The following SEC63 variants were observed in gnomAD, a reference collection of about 807,000 sequenced individuals.
The protein encoded by SEC63 is SEC63 protein translocation regulator.
Under a neutral mutation model 116.2 loss-of-function variants are expected in SEC63, and 56 were observed. The ratio of observed to expected loss-of-function variants is 0.48; its 90% CI spans 0.39 to 0.60. The LOEUF (loss-of-function observed/expected upper bound fraction) is 0.60. Among genes scored for constraint, SEC63 ranks in the 20% least tolerant of loss-of-function variants. The pLI, the probability that SEC63 is intolerant of heterozygous loss-of-function variation, is 0.00. For synonymous variants in SEC63, 273 were observed against 294.6 expected (o/e 0.93, Z 0.75); for missense variants, 668 against 900.0 (o/e 0.74, Z 3.30).
rs368009395 is a variant in SEC63 at position 107,921,758 on chromosome 6, T to C, written c.452+39A>G. ...TGAACCACTGCACCTGGCTTATCTGTACCATTCTTAAAAATTTGTAATGGA... is the reference window on the plus strand; with the variant it reads ...TGAACCACTGCACCTGGCTTATCTGCACCATTCTTAAAAATTTGTAATGGA... On this transcript the variant is annotated intron_variant, in intron 4 of 20. Transcript: ENST00000369002. 49 of 1,287,398 alleles carry C rather than the reference T, an allele frequency of 3.8e-5. No individual in the cohort carries two copies. In the African/African-American group the frequency reaches 5.7e-4, roughly 15 times the overall value. The allele number at this position is 1,287,398 out of a possible 1,614,324, so 79.7% of individuals were successfully genotyped here.
chr6:107,927,644 C>T (rs1330581976), intron 2 of SEC63, among the ~76,000 whole-genome samples: 2 of 151,964 alleles, frequency 1.3e-5, no homozygotes, highest in Non-Finnish European at 2.9e-5. Flanking sequence ...GTTCAGATAC[C>T]CACAAAGTGT....
chr6:107,934,075 C>A (rs7763004), intron 1 of SEC63, among the ~76,000 whole-genome samples: 5,348 of 152,258 alleles, frequency 0.035, 301 homozygotes, highest in African/African-American at 0.12. Flanking sequence ...TCGCTACAAC[C>A]TCCACCTCCC....
intron 1 of SEC63, among the ~76,000 whole-genome samples, chr6:107,953,469 T>C (rs1770621948): frequency 7.1e-6 from 1 of 140,094 alleles, no homozygotes. Context: ...CCGCCCCTAC[T>C]GGGAAGTGAG....
intron 7 of SEC63, chr6:107,911,113 T>A: frequency 1.9e-6 from 1 of 537,236 alleles, no homozygotes; most frequent in Non-Finnish European, 3.3e-6. Context: ...TTTTTTTCAG[T>A]TGGGGTCTCA....
At position 107,906,735 on chromosome 6, in the gene SEC63, T is replaced by C; in HGVS notation, c.776A>G (p.Gln259Arg). ...VLAGASEFDP[Q>R]YNKDATSRPT... Reference sequence around the variant, plus strand: ...TCTGCTTGTGGCATCTTTATTATACTGAGGATCAAATTCAGAAGCTCCAGC... The same window carrying C: ...TCTGCTTGTGGCATCTTTATTATACCGAGGATCAAATTCAGAAGCTCCAGC... Residue 259 changes from glutamine to arginine, a missense_variant, in exon 9 of 21, where the codon CAG (glutamine) becomes CGG (arginine). Around this residue, in one of 5 missense-constraint regions of SEC63, gnomAD observed 430 missense variants for 557.5 expected, o/e 0.77. Coordinates refer to ENST00000369002, the MANE Select transcript of SEC63 (RefSeq NM_007214.5). 3 of 1,613,996 alleles carry C rather than the reference T, an allele frequency of 1.9e-6. No individual in the cohort carries two copies. The highest frequency in any genetic ancestry group is 2.5e-6 in the Non-Finnish European group (3 of 1,179,950).
Position 107,871,804 on chromosome 6 carries a change from T to A in SEC63, c.2183A>T (p.Gln728Leu). ...ATCCCCCTCTATTGCTGTATCCCACTGTGGGTGATTTTCTGGCACAGGCTT... is the reference window on the plus strand; with the variant it reads ...ATCCCCCTCTATTGCTGTATCCCACAGTGGGTGATTTTCTGGCACAGGCTT... ...EAKPVPENHP[Q>L]WDTAIEGDED... Residue 728 changes from glutamine to leucine, a missense_variant, in exon 21 of 21, where the codon CAG becomes CTG. Coordinates refer to ENST00000369002, the MANE Select transcript of SEC63 (RefSeq NM_007214.5). 1 of 1,613,774 alleles carries A rather than the reference T, an allele frequency of 6.2e-7. No homozygotes were observed. The highest frequency in any genetic ancestry group is 1.1e-5 in the South Asian group (1 of 91,068).
intron 10 of SEC63, among the ~76,000 whole-genome samples, chr6:107,905,951 AGAACAG>A (rs935469709): frequency 6.6e-6 from 1 of 152,206 alleles, no homozygotes; most frequent in Non-Finnish European, 1.5e-5. Context: ...TGGCCAAAAA[AGAACAG>A]CAACAAAACA....
rs535330264 is a variant in SEC63, at chr6:107,909,094, G to A, written c.625-59C>T. The A allele has an allele frequency of 2.0e-4, 231 of 1,173,934 alleles. 2 individuals are homozygous for A. The East Asian group carries it at 5.3e-3, about 27-fold the overall frequency. 72.7% of individuals were successfully genotyped at this position (1,173,934 alleles called of 1,614,324 possible). A position where few individuals can be genotyped will look rare whatever the true frequency, so the allele number is the denominator to read the frequency against. On this transcript the variant is annotated intron_variant, in intron 7 of 20. Coordinates refer to ENST00000369002, the MANE Select transcript of SEC63 (RefSeq NM_007214.5). ...GTATAAAAACTACGATAGGCTGGGC[G>A]AGATGGCTCATTCCTGTAATCCCAG...
chr6:107,946,189 C>G (rs935402256), intron 1 of SEC63, among the ~76,000 whole-genome samples: 5 of 151,866 alleles, frequency 3.3e-5, no homozygotes, highest in African/African-American at 1.2e-4. Flanking sequence ...CCTACCGTGG[C>G]CTCCCAAAGT....
At chr6:107,943,227 T>C (rs1178401638) in intron 1 of SEC63, among the ~76,000 whole-genome samples, 1 of 152,254 alleles carries the variant, frequency 6.6e-6, no homozygotes, top group Non-Finnish European at 1.5e-5. Flanking sequence ...ATACACTAGT[T>C]AACTTTACAC....
chr6:107,951,117 A>G (rs1171004249), intron 1 of SEC63, among the ~76,000 whole-genome samples: 1 of 152,258 alleles, frequency 6.6e-6, no homozygotes, highest in African/African-American at 2.4e-5. Context: ...ACTAGGAAAG[A>G]CAAACATTAA....
At chr6:107,922,254 C>G (rs1325346440) in intron 3 of SEC63, among the ~76,000 whole-genome samples, 1 of 152,226 alleles carries the variant, frequency 6.6e-6, no homozygotes, top group African/African-American at 2.4e-5. Flanking sequence ...CCTGTAATCC[C>G]AGCACTTTGG....
chr6:107,877,763 A>G (rs1354791903), intron 18 of SEC63, among the ~76,000 whole-genome samples: 1 of 152,206 alleles, frequency 6.6e-6, no homozygotes, highest in Non-Finnish European at 1.5e-5. Flanking sequence ...TTTTAAACTA[A>G]AATTGCTGCT....
At chr6:107,885,235 A>C (rs1786501015) in intron 16 of SEC63, among the ~76,000 whole-genome samples, 1 of 152,240 alleles carries the variant, frequency 6.6e-6, no homozygotes, top group Non-Finnish European at 1.5e-5. Flanking sequence ...AACTGTCTTT[A>C]TTCACAGATG....
rs556283657 is a variant in SEC63, at chr6:107,893,904, G to A, written c.1441-7C>T. The A allele has an allele frequency of 5.0e-6, 8 of 1,613,750 alleles. No individual in the cohort carries two copies. The highest frequency in any genetic ancestry group is 4.4e-5 in the South Asian group (4 of 91,042). ...GCTCCTTTTCAAATACTTCCTGGGG[G>A]GCGGCAAGAAGAGAAATACAAAATC... On this transcript the variant is annotated splice_polypyrimidine_tract_variant and splice_region_variant and intron_variant, in intron 14 of 20. Coordinates refer to ENST00000369002, the MANE Select transcript of SEC63 (RefSeq NM_007214.5).
intron 10 of SEC63, 54 bp from the exon 11 acceptor site, chr6:107,904,775 A>C: frequency 3.1e-6 from 4 of 1,306,364 alleles, no homozygotes; most frequent in Non-Finnish European, 4.4e-6. Flanking sequence ...CAGTTAAAGC[A>C]TCTTTATCAC....
At chr6:107,929,605 C>T (rs1175148862) in intron 1 of SEC63, 91 bp from the exon 2 acceptor site, 6 of 742,874 alleles carry the variant, frequency 8.1e-6, no homozygotes, top group Admixed American at 4.0e-5. Flanking sequence ...TTCATTACCA[C>T]GCTAATAGTT....
chr6:107,901,788 C>T (rs1787011236), intron 12 of SEC63, among the ~76,000 whole-genome samples: 1 of 151,910 alleles, frequency 6.6e-6, no homozygotes, highest in Non-Finnish European at 1.5e-5. Flanking sequence ...AAATAAGAAT[C>T]TTGACTCAAC....
chr6:107,925,077 A>T, intron 2 of SEC63, 145 bp from the exon 3 acceptor site: 1 of 682,238 alleles, frequency 1.5e-6, no homozygotes, highest in East Asian at 2.7e-5. Context: ...TGGGTTACAA[A>T]CTCCTGTTAC....
Sources: gnomAD v4.1 joint callset for allele counts (sites outside exome capture counted in the v4.1 genomes callset) on GRCh38, gnomAD v4.1.1 for gene constraint, gnomAD v4.1.1 regional missense constraint, MANE v1.5 for transcripts, NCBI Gene and HGNC (gene_info 2026-07-23, HGNC 2026-07-21) for gene names.